Variants in TSBP1 observed in about 807,000 individuals in gnomAD.
The protein encoded by TSBP1 is testis-expressed basic protein 1.
In TSBP1, 56 loss-of-function variants were observed where a neutral mutation model predicts 68.8. That is an observed-to-expected ratio of 0.81 (90% CI 0.66 to 1.02). The LOEUF (loss-of-function observed/expected upper bound fraction) is 1.02, where lower values mean the gene tolerates loss of function less well. Among genes scored for constraint, TSBP1 ranks in the 50% least tolerant of loss-of-function variants. The pLI, the probability that TSBP1 is intolerant of heterozygous loss-of-function variation, is 0.00. For missense variants in TSBP1, 502 were observed against 641.2 expected (o/e 0.78, Z 2.34); for synonymous variants, 171 against 208.7 (o/e 0.82, Z 1.56).
At position 32,315,719 on chromosome 6, in the gene TSBP1, A is replaced by G; in HGVS notation, c.580+53T>C. On this transcript the variant is annotated intron_variant, in intron 19 of 22. Coordinates refer to ENST00000612031, the Ensembl canonical transcript of TSBP1. The surrounding 1 kb of genome is among the most constrained non-coding windows in gnomAD (Gnocchi z 5.4). ...CAATCTTTTGGATACTTAGAAGTGG[A>G]AACATCTAACATAAATCTCCACATA... 3 of 1,231,944 alleles carry G rather than the reference A, an allele frequency of 2.4e-6. No individual in the cohort carries two copies. Among genetic ancestry groups the G allele is most frequent in the Non-Finnish European group, 2.2e-6 (2 of 893,724 alleles). The allele number at this position is 1,231,944 out of a possible 1,614,324, so 76.3% of individuals were successfully genotyped here.
chr6:32,315,834 A>T lies in TSBP1; in HGVS notation c.560-42T>A. 7.6e-7 allele frequency: 1 copy of T among 1,310,610 alleles called. No homozygotes were observed. Among genetic ancestry groups the T allele is most frequent in the Non-Finnish European group, 1.1e-6 (1 of 947,978 alleles). 81.2% of individuals were successfully genotyped at this position (1,310,610 alleles called of 1,614,324 possible). Reference sequence around the variant, plus strand: ...AAGAAATCCATTTAATTTTTCTCAAATGGAGAAAACATAGCATTATCTAAC... The same window carrying T: ...AAGAAATCCATTTAATTTTTCTCAATTGGAGAAAACATAGCATTATCTAAC... On this transcript the variant is annotated intron_variant, in intron 18 of 22. Transcript: ENST00000612031. The surrounding 1 kb of genome is among the most constrained non-coding windows in gnomAD (Gnocchi z 5.4).
At chr6:32,339,675 T>C (rs1428342683) in intron 9 of TSBP1, 37 bp from the exon 11 acceptor site, 3 of 890,228 alleles carry the variant, frequency 3.4e-6, no homozygotes, top group Non-Finnish European at 5.4e-6. Flanking sequence ...ATTATTTAGA[T>C]TTAGACTTTC....
At chr6:32,327,654 C>CTT (rs9281739) in intron 16 of TSBP1, among the ~76,000 whole-genome samples, 10,055 of 147,016 alleles carry the variant, frequency 0.068, 441 homozygotes, top group South Asian at 0.1. Context: ...TTTTCTTTTT[C>CTT]TTTTTTTTTT....
At chr6:32,297,882 G>A (rs928931326) in intron 22 of TSBP1, among the ~76,000 whole-genome samples, 2 of 151,652 alleles carry the variant, frequency 1.3e-5, no homozygotes, top group African/African-American at 2.4e-5. Context: ...AACATAGTGA[G>A]ACCCCATCTC....
At chr6:32,327,543 G>C (rs1186622662) in intron 16 of TSBP1, among the ~76,000 whole-genome samples, 10 of 152,142 alleles carry the variant, frequency 6.6e-5, no homozygotes, top group Admixed American at 6.5e-4. Flanking sequence ...GTAAAGTGAG[G>C]CTTTGTTCTT....
At position 32,361,512 on chromosome 6, in the gene TSBP1, CCTATTT is replaced by C; in HGVS notation, c.217+4649_217+4654del. ...CTCCCACCAACATTGTAAAAACATT[CCTATTT>C]CTCCATATCCTCTCCAGCACCTGTT... is the stretch of plus-strand genomic sequence containing the variant. On this transcript the variant is annotated intron_variant, in intron 6 of 22. Coordinates refer to ENST00000612031, the Ensembl canonical transcript of TSBP1. This position sits in a 1 kb window ranked among gnomAD's most constrained non-coding sequence, Gnocchi z 4.3. Among the ~76,000 whole-genome samples the C allele has an allele frequency of 6.6e-6, 1 of 152,184 alleles. No individual in the cohort carries two copies. Among genetic ancestry groups the C allele is most frequent in the Non-Finnish European group, 1.5e-5 (1 of 68,020 alleles).
intron 9 of TSBP1, among the ~76,000 whole-genome samples, chr6:32,346,747 A>G (rs1771046542): frequency 6.6e-6 from 1 of 152,188 alleles, no homozygotes; most frequent in African/African-American, 2.4e-5. Flanking sequence ...CTGAGGCACA[A>G]GAATCGCTTG....
chr6:32,324,908 G>A (rs1768047986), intron 16 of TSBP1, among the ~76,000 whole-genome samples: 1 of 151,960 alleles, frequency 6.6e-6, no homozygotes, highest in Non-Finnish European at 1.5e-5. Flanking sequence ...TGCAACTCAA[G>A]TTCCAATAGA....
At chr6:32,367,987 G>A in intron 3 of TSBP1, 30 bp from the exon 4 acceptor site, 2 of 1,532,770 alleles carry the variant, frequency 1.3e-6, no homozygotes, top group South Asian at 2.3e-5. Context: ...ACATGATTTT[G>A]CTTCTTGATT....
chr6:32,342,912 A>C (rs1770542273), intron 9 of TSBP1, among the ~76,000 whole-genome samples: 1 of 152,214 alleles, frequency 6.6e-6, no homozygotes, highest in Non-Finnish European at 1.5e-5. Context: ...AAGCAGTTAA[A>C]GGAAGGAAAA....
In TSBP1 at chr6:32,329,569, A is replaced by T. The variant is rs183001068; in HGVS notation, c.514+1020T>A. On this transcript the variant is annotated intron_variant, in intron 16 of 22. Coordinates refer to ENST00000612031, the Ensembl canonical transcript of TSBP1. ...AATGGTCGTAGTGTGGTTGTGTGGG[A>T]TGCTGCCTGCCCTCTACACATTTTG... is the stretch of plus-strand genomic sequence containing the variant. 2.0e-5 allele frequency among the ~76,000 whole-genome samples: 3 copies of T among 152,264 alleles called. No homozygotes were observed. In the East Asian group the frequency reaches 5.8e-4, roughly 29 times the overall value.
intron 6 of TSBP1, among the ~76,000 whole-genome samples, chr6:32,360,396 GTGTGTA>G (rs1048816216): frequency 6.6e-6 from 1 of 151,846 alleles, no homozygotes; most frequent in African/African-American, 2.4e-5. Flanking sequence ...GTGTGTGTGT[GTGTGTA>G]TGTGTGTGTG....
intron 20 of TSBP1, among the ~76,000 whole-genome samples, chr6:32,301,712 A>ATT (rs1562061014): frequency 0.032 from 4,546 of 140,244 alleles, 125 homozygotes; most frequent in African/African-American, 0.068. Flanking sequence ...GCTGTTTTAA[A>ATT]AAAAAAAAAA....
At chr6:32,359,618 T>C (rs1158037003) in intron 6 of TSBP1, among the ~76,000 whole-genome samples, 2 of 152,178 alleles carry the variant, frequency 1.3e-5, no homozygotes, top group African/African-American at 4.8e-5. Flanking sequence ...CTGATGGTAG[T>C]TTCTTTTGCT....
chr6:32,358,513 C>T (rs1772599769), intron 6 of TSBP1, among the ~76,000 whole-genome samples: 1 of 151,954 alleles, frequency 6.6e-6, no homozygotes, highest in South Asian at 2.1e-4. Flanking sequence ...ATGCTGCACC[C>T]ATTAACTCGT....
intron 19 of TSBP1, among the ~76,000 whole-genome samples, chr6:32,303,851 A>AT (rs752117091): frequency 6.6e-6 from 1 of 152,022 alleles, no homozygotes; most frequent in Non-Finnish European, 1.5e-5. Context: ...CTCTGTTTGC[A>AT]TTTTGCAGTC....
chr6:32,369,496 G>A (rs1019305947), intron 2 of TSBP1, among the ~76,000 whole-genome samples: 5 of 151,152 alleles, frequency 3.3e-5, no homozygotes, highest in Middle Eastern at 3.4e-3. Flanking sequence ...TCAGTCTCCC[G>A]AGCGGCTAGG....
intron 8 of TSBP1, among the ~76,000 whole-genome samples, chr6:32,354,379 C>T (rs148374786): frequency 0.01 from 1,542 of 151,918 alleles, 13 homozygotes; most frequent in Admixed American, 0.017. Context: ...AAATTGTATA[C>T]GTATTCAAGT....
chr6:32,322,478 GTACT>G lies in TSBP1; in HGVS notation c.559+635_559+638del, dbSNP rs750448132. 1.1e-5 allele frequency: 18 copies of G among 1,598,408 alleles called. No homozygotes were observed. Among genetic ancestry groups the G allele is most frequent in the Non-Finnish European group, 1.5e-5 (17 of 1,166,426 alleles). ...CACATATGACCAGCTGAGAAGTAGA[GTACT>G]TACTTGCGGTTCTCTGTGAAATTAC... On this transcript the variant is annotated intron_variant, in intron 18 of 22. Coordinates refer to ENST00000612031, the Ensembl canonical transcript of TSBP1.
Sources: allele counts gnomAD v4.1 joint callset (sites outside exome capture counted in the v4.1 genomes callset), GRCh38; gene constraint gnomAD v4.1.1; non-coding constraint Gnocchi (gnomAD v3.1); transcripts MANE v1.5; gene names NCBI Gene and HGNC (gene_info 2026-07-23, HGNC 2026-07-21).